The following RANBP2 variants were observed in gnomAD, a reference collection of about 807,000 sequenced individuals.
RANBP2 encodes E3 SUMO-protein ligase RanBP2.
A neutral mutation model predicts 303.6 loss-of-function variants in RANBP2; 57 were observed. The observed-to-expected ratio is 0.19, with a 90% CI of 0.15 to 0.23. RANBP2 has a LOEUF of 0.23. RANBP2 is among the 10% of genes least tolerant of loss of function. RANBP2 has a pLI of 1.00. For missense variants in RANBP2, 3,138 were observed against 3,780.8 expected (o/e 0.83, Z 4.46); for synonymous variants, 1,167 against 1,301.5 (o/e 0.90, Z 2.23).
At chr2:108,732,140 G>A (rs1020378450) in intron 4 of RANBP2, among the ~76,000 whole-genome samples, 1 of 152,092 alleles carries the variant, frequency 6.6e-6, no homozygotes, top group Non-Finnish European at 1.5e-5. Context: ...AATTATAAAT[G>A]TATATTTGCC....
chr2:109,324,661 T>C, the RANBP2 span, among the ~76,000 whole-genome samples: 22 of 152,234 alleles, frequency 1.4e-4, no homozygotes, highest in Non-Finnish European at 3.2e-4. Flanking sequence ...TCCTTTCTCC[T>C]GGAACTCCTT....
At chr2:109,510,191 A>T in the RANBP2 span, among the ~76,000 whole-genome samples, 1 of 152,148 alleles carries the variant, frequency 6.6e-6, no homozygotes, top group East Asian at 1.9e-4. Context: ...GGTGTGGAGG[A>T]GAGGGCTGAG....
chr2:108,860,882 G>A, the RANBP2 span, among the ~76,000 whole-genome samples: 1 of 130,916 alleles, frequency 7.6e-6, no homozygotes, highest in South Asian at 2.5e-4. Flanking sequence ...ATTGGTATCA[G>A]CTCTTCTTTG....
At chr2:109,391,168 A>C in the RANBP2 span, among the ~76,000 whole-genome samples, 1 of 152,234 alleles carries the variant, frequency 6.6e-6, no homozygotes, top group South Asian at 2.1e-4. Flanking sequence ...GCCTGTACTC[A>C]GGCTTTACGT....
chr2:109,032,570 C>G, the RANBP2 span, among the ~76,000 whole-genome samples: 1 of 152,016 alleles, frequency 6.6e-6, no homozygotes. Context: ...CATCCATGCG[C>G]TTTCTCCCCT....
chr2:109,052,384 A>G, the RANBP2 span, among the ~76,000 whole-genome samples: 5 of 152,328 alleles, frequency 3.3e-5, no homozygotes, highest in East Asian at 9.7e-4. Context: ...TATTAATAGC[A>G]TAGGTAGCTA....
At chr2:109,243,793 T>C in the RANBP2 span, among the ~76,000 whole-genome samples, 1 of 152,180 alleles carries the variant, frequency 6.6e-6, no homozygotes, top group Admixed American at 6.5e-5. Flanking sequence ...GTTTGGGACA[T>C]GTTCTCTGTG....
At chr2:108,749,538 TC>T (rs541163190) in intron 9 of RANBP2, among the ~76,000 whole-genome samples, 183 of 152,142 alleles carry the variant, frequency 1.2e-3, no homozygotes, top group African/African-American at 4.3e-3. Context: ...CCTCAGGTGA[TC>T]CACCTGCCTT....
At chr2:109,196,729 G>A in the RANBP2 span, among the ~76,000 whole-genome samples, 7 of 152,292 alleles carry the variant, frequency 4.6e-5, no homozygotes, top group Admixed American at 3.3e-4. Context: ...CCGGAGGAGG[G>A]AGCTGCACCA....
At chr2:108,839,147 T>A in the RANBP2 span, 1 of 1,556,884 alleles carries the variant, frequency 6.4e-7, no homozygotes, top group African/African-American at 1.4e-5. Flanking sequence ...TTAAAAATAC[T>A]GTGCCTTTGT....
chr2:108,783,782 C>T lies in RANBP2; in HGVS notation c.9556C>T (p.His3186Tyr), dbSNP rs1324867991. ...GAAAGCAGAACATTTGGACTTTAAGCATGTAGTATTTGGGTTTGTTAAGGA... is the reference window on the plus strand; with the variant it reads ...GAAAGCAGAACATTTGGACTTTAAGTATGTAGTATTTGGGTTTGTTAAGGA... ...LKKAEHLDFKHVVFGFVKDGM... is the reference protein window; with the variant it reads ...LKKAEHLDFKYVVFGFVKDGM... The change falls in exon 29 of 29, where the codon CAT (histidine) becomes TAT (tyrosine). Residue 3186 changes from histidine (H) to tyrosine (Y), a missense_variant. By Grantham distance (83) the His-to-Tyr change is moderately conservative. This residue lies in a region of RANBP2 where 22 missense variants were observed against 48.8 expected (regional missense o/e 0.45). Coordinates refer to ENST00000283195, the MANE Select transcript of RANBP2 (RefSeq NM_006267.5). 6.2e-7 allele frequency: 1 copy of T among 1,611,828 alleles called. No homozygotes were observed. The highest frequency in any genetic ancestry group is 8.5e-7 in the Non-Finnish European group (1 of 1,178,128).
At chr2:109,688,425 G>C in the RANBP2 span, among the ~76,000 whole-genome samples, 3 of 152,138 alleles carry the variant, frequency 2.0e-5, no homozygotes, top group Admixed American at 2.0e-4. Flanking sequence ...CCCTGACATG[G>C]GCAGCCTCCT....
chr2:108,987,813 A>C, the RANBP2 span, among the ~76,000 whole-genome samples: 13 of 152,296 alleles, frequency 8.5e-5, 1 homozygote, highest in South Asian at 1.7e-3. Context: ...CCTTGACCAG[A>C]GTCACTCTCT....
chr2:109,227,148 G>A, the RANBP2 span, among the ~76,000 whole-genome samples: 1 of 152,174 alleles, frequency 6.6e-6, no homozygotes, highest in African/African-American at 2.4e-5. Flanking sequence ...TGAGTGAACT[G>A]ATGGCAGTGG....
At chr2:109,032,358 T>C in the RANBP2 span, among the ~76,000 whole-genome samples, 2 of 151,796 alleles carry the variant, frequency 1.3e-5, no homozygotes, top group African/African-American at 4.8e-5. Context: ...AAGAAAAGGG[T>C]TAGAACTTTA....
the RANBP2 span, among the ~76,000 whole-genome samples, chr2:109,684,573 G>A: frequency 5.1e-5 from 7 of 136,540 alleles, no homozygotes; most frequent in South Asian, 2.4e-4. Flanking sequence ...TTGCTCTGTC[G>A]TCCAGGATGG....
At chr2:109,078,493 A>G in the RANBP2 span, among the ~76,000 whole-genome samples, 1,564 of 149,022 alleles carry the variant, frequency 0.01, 44 homozygotes, top group African/African-American at 0.036. Flanking sequence ...AATGGTTACC[A>G]GGGACAGGGG....
At chr2:109,016,174 C>T in the RANBP2 span, among the ~76,000 whole-genome samples, 4 of 152,104 alleles carry the variant, frequency 2.6e-5, no homozygotes, top group Non-Finnish European at 4.4e-5. Context: ...CTCCGCCTCC[C>T]GGGTTCACGC....
At chr2:109,410,798 G>A in the RANBP2 span, among the ~76,000 whole-genome samples, 1 of 152,232 alleles carries the variant, frequency 6.6e-6, no homozygotes, top group Non-Finnish European at 1.5e-5. Flanking sequence ...TGGGCTGCTA[G>A]GCGCGACTTC....
Sources: allele counts gnomAD v4.1 joint callset (sites outside exome capture counted in the v4.1 genomes callset), GRCh38; gene constraint gnomAD v4.1.1; regional missense constraint gnomAD v4.1.1; transcripts MANE v1.5; gene names NCBI Gene and HGNC (gene_info 2026-07-23, HGNC 2026-07-21).